Variants in NRCAM observed in about 807,000 individuals in gnomAD.
The protein encoded by NRCAM is neuronal cell adhesion molecule, also known as NgCAM-related cell adhesion molecule.
NRCAM carries 83 observed loss-of-function variants against 156.5 expected under a neutral mutation model. The ratio of observed to expected loss-of-function variants is 0.53; its 90% CI spans 0.44 to 0.64. The LOEUF (loss-of-function observed/expected upper bound fraction) is 0.64. Ranked by LOEUF, NRCAM falls within the 30% of genes least tolerant of loss-of-function variation. NRCAM has a pLI of 0.00. For synonymous variants in NRCAM, 538 were observed against 563.9 expected (o/e 0.95, Z 0.65); for missense variants, 1,417 against 1,597.3 (o/e 0.89, Z 1.92).
intron 8 of NRCAM, among the ~76,000 whole-genome samples, chr7:108,227,795 G>C (rs2093715750): frequency 1.3e-5 from 2 of 152,152 alleles, no homozygotes; most frequent in African/African-American, 2.4e-5. Context: ...AAGTCAAGCA[G>C]GTCTGCTCCT....
chr7:108,340,923 T>C (rs923754522), intron 2 of NRCAM, among the ~76,000 whole-genome samples: 1 of 152,034 alleles, frequency 6.6e-6, no homozygotes, highest in Non-Finnish European at 1.5e-5. Context: ...TTTTTCATAA[T>C]AGAGATAAGG....
intron 3 of NRCAM, among the ~76,000 whole-genome samples, chr7:108,263,183 C>T (rs1324857336): frequency 6.6e-6 from 1 of 152,226 alleles, no homozygotes; most frequent in Non-Finnish European, 1.5e-5. Context: ...ATCTCAGTCT[C>T]TAGATTCCAG....
At chr7:108,408,044 A>G (rs1790597539) in intron 1 of NRCAM, among the ~76,000 whole-genome samples, 1 of 152,240 alleles carries the variant, frequency 6.6e-6, no homozygotes, top group African/African-American at 2.4e-5. Context: ...AAAATTGATA[A>G]GGGAATATTT....
intron 1 of NRCAM, among the ~76,000 whole-genome samples, chr7:108,405,737 T>C (rs1156599329): frequency 6.6e-6 from 1 of 152,192 alleles, no homozygotes; most frequent in African/African-American, 2.4e-5. Flanking sequence ...ATATGTTTGA[T>C]ATGTGGAAAA....
intron 2 of NRCAM, among the ~76,000 whole-genome samples, chr7:108,387,247 C>A (rs949270064): frequency 6.6e-6 from 1 of 152,116 alleles, no homozygotes; most frequent in Admixed American, 6.6e-5. Context: ...AATTTCTCCA[C>A]ATACCTTATT....
chr7:108,178,891 A>G (rs1433857814), intron 25 of NRCAM, among the ~76,000 whole-genome samples: 2 of 152,132 alleles, frequency 1.3e-5, no homozygotes, highest in Admixed American at 6.5e-5. Flanking sequence ...AGTCAACCTG[A>G]ACTTCCCTAT....
chr7:108,414,579 G>A (rs1391760078), intron 1 of NRCAM, among the ~76,000 whole-genome samples: 1 of 152,208 alleles, frequency 6.6e-6, no homozygotes, highest in Non-Finnish European at 1.5e-5. Context: ...CTCTACCTAT[G>A]TAACAATAAG....
At position 108,376,613 on chromosome 7, in the gene NRCAM, G is replaced by C. The variant is rs575312810; in HGVS notation, c.-174+22823C>G. ...AATGAGCATCTGTAAACCATGCTGG[G>C]GTATGCCTGCCTAATTCTCTTTTCC... On this transcript the variant is annotated intron_variant, in intron 2 of 32. Transcript: ENST00000379028. 1.1e-3 allele frequency among the ~76,000 whole-genome samples: 161 copies of C among 152,116 alleles called. 1 individual carries two copies. The highest frequency in any genetic ancestry group is 3.2e-3 in the African/African-American group (131 of 41,506).
intron 2 of NRCAM, among the ~76,000 whole-genome samples, chr7:108,397,561 G>A (rs2099780496): frequency 6.6e-6 from 1 of 152,104 alleles, no homozygotes; most frequent in South Asian, 2.1e-4. Context: ...AGACCCAAAG[G>A]GAGGGGCCCT....
At chr7:108,251,078 G>A (rs1333825717) in intron 3 of NRCAM, among the ~76,000 whole-genome samples, 2 of 152,136 alleles carry the variant, frequency 1.3e-5, no homozygotes, top group Non-Finnish European at 2.9e-5. Flanking sequence ...GTTAAACCTA[G>A]AATGACTGCC....
intron 32 of NRCAM, among the ~76,000 whole-genome samples, chr7:108,154,626 GA>G (rs2151070860): frequency 6.6e-6 from 1 of 152,264 alleles, no homozygotes; most frequent in South Asian, 2.1e-4. Context: ...GTCTTTCCAG[GA>G]AAAGCCATTC....
chr7:108,344,000 C>T (rs137895584), intron 2 of NRCAM, among the ~76,000 whole-genome samples: 11,370 of 152,226 alleles, frequency 0.075, 433 homozygotes, highest in East Asian at 0.11. Flanking sequence ...GACCCCTGGA[C>T]TGGCCTGCTA....
chr7:108,368,756 A>T lies in NRCAM; in HGVS notation c.-174+30680T>A, dbSNP rs28409960. Among the ~76,000 whole-genome samples, 365 of 152,338 alleles carry T rather than the reference A, an allele frequency of 2.4e-3. 2 individuals carry two copies. Among genetic ancestry groups the T allele is most frequent in the African/African-American group, 8.5e-3 (355 of 41,576 alleles). On this transcript the variant is annotated intron_variant, in intron 2 of 32. Transcript: ENST00000379028. ...AAAACAAGCGTGAAGTAGAGCAAAT[A>T]GCATGAGAAACCGTATATTTCTGAA... is the stretch of plus-strand genomic sequence containing the variant.
chr7:108,339,754 C>T (rs2099253569), intron 2 of NRCAM, among the ~76,000 whole-genome samples: 2 of 152,150 alleles, frequency 1.3e-5, no homozygotes, highest in African/African-American at 4.8e-5. Context: ...GACTAATGCT[C>T]GTCGGAAAAT....
intron 3 of NRCAM, among the ~76,000 whole-genome samples, chr7:108,268,314 C>T (rs1460413426): frequency 6.6e-6 from 1 of 152,076 alleles, no homozygotes; most frequent in East Asian, 1.9e-4. Flanking sequence ...TGTTCCAAAA[C>T]TGGGGATCCT....
At chr7:108,179,381 T>G (rs1423115766) in intron 25 of NRCAM, among the ~76,000 whole-genome samples, 6 of 152,332 alleles carry the variant, frequency 3.9e-5, no homozygotes, top group Admixed American at 3.3e-4. Context: ...GCATCATGAA[T>G]CTTTCAATCA....
chr7:108,386,721 GGT>G (rs1369006727), intron 2 of NRCAM, among the ~76,000 whole-genome samples: 1 of 152,196 alleles, frequency 6.6e-6, no homozygotes, highest in Non-Finnish European at 1.5e-5. Context: ...AAGCATACAA[GGT>G]GTGTATGCAC....
intron 1 of NRCAM, among the ~76,000 whole-genome samples, chr7:108,426,956 C>T (rs1388817716): frequency 1.3e-5 from 2 of 152,166 alleles, no homozygotes; most frequent in Non-Finnish European, 2.9e-5. Context: ...CAGTGGGGTA[C>T]CAACTTTTGA....
At chr7:108,169,763 T>C (rs529108956) in intron 28 of NRCAM, among the ~76,000 whole-genome samples, 11 of 152,278 alleles carry the variant, frequency 7.2e-5, no homozygotes, top group Admixed American at 2.0e-4. Context: ...ACAGTAAATA[T>C]GCACACATGT....
Sources: gnomAD v4.1 joint callset for allele counts (sites outside exome capture counted in the v4.1 genomes callset) on GRCh38, gnomAD v4.1.1 for gene constraint, MANE v1.5 for transcripts, NCBI Gene and HGNC (gene_info 2026-07-23, HGNC 2026-07-21) for gene names.